Variants in GPC5 observed in about 807,000 individuals in gnomAD.
GPC5 encodes glypican 5, also known as glypican-5.
GPC5 carries 47 observed loss-of-function variants against 53.9 expected under a neutral mutation model. That is an observed-to-expected ratio of 0.87 (90% CI 0.69 to 1.11). GPC5 has a LOEUF of 1.11. Among genes scored for constraint, GPC5 ranks in the 50% most tolerant of loss-of-function variants. The probability of loss-of-function intolerance (pLI) is 0.00; values close to 1 mark genes in which losing one functional copy is unlikely to be tolerated. For missense variants in GPC5, 748 were observed against 713.1 expected (o/e 1.05, Z -0.56); for synonymous variants, 286 against 263.3 (o/e 1.09, Z -0.84).
intron 2 of GPC5, among the ~76,000 whole-genome samples, chr13:91,480,728 C>T (rs1170818670): frequency 3.3e-5 from 5 of 152,118 alleles, no homozygotes; most frequent in African/African-American, 1.2e-4. Context: ...GATGGTTATA[C>T]CTATGGAGCG....
chr13:92,452,614 C>T (rs1232693001), intron 7 of GPC5, among the ~76,000 whole-genome samples: 1 of 152,116 alleles, frequency 6.6e-6, no homozygotes, highest in Admixed American at 6.5e-5. Flanking sequence ...GTCGCCCAAG[C>T]TGTAGTGCAG....
intron 4 of GPC5, among the ~76,000 whole-genome samples, chr13:91,733,158 A>T (rs553299031): frequency 7.6e-4 from 115 of 152,084 alleles, no homozygotes; most frequent in Admixed American, 2.9e-3. Flanking sequence ...TTTGTTTTTG[A>T]GACAGTCTCA....
chr13:92,430,597 G>T (rs551839203), intron 7 of GPC5, among the ~76,000 whole-genome samples: 4 of 152,280 alleles, frequency 2.6e-5, no homozygotes, highest in Admixed American at 2.6e-4. Context: ...AGACTGTCCA[G>T]ATGATTCATG....
intron 7 of GPC5, among the ~76,000 whole-genome samples, chr13:92,227,635 A>C (rs1018419384): frequency 7.2e-5 from 11 of 152,172 alleles, no homozygotes; most frequent in African/African-American, 2.4e-4. Context: ...AGTAGAAGAA[A>C]ATGCCAAAGC....
At chr13:91,712,928 C>T (rs771830170) in intron 3 of GPC5, among the ~76,000 whole-genome samples, 10 of 152,064 alleles carry the variant, frequency 6.6e-5, no homozygotes, top group South Asian at 2.1e-4. Context: ...CGGTGGCTCA[C>T]GCCTGTAATC....
intron 7 of GPC5, among the ~76,000 whole-genome samples, chr13:92,858,862 T>C (rs1443087488): frequency 6.6e-6 from 1 of 152,166 alleles, no homozygotes; most frequent in Non-Finnish European, 1.5e-5. Flanking sequence ...TTAGAAATAC[T>C]CTTTCTTGAA....
At chr13:92,631,078 A>G (rs1282758303) in intron 7 of GPC5, among the ~76,000 whole-genome samples, 1 of 152,144 alleles carries the variant, frequency 6.6e-6, no homozygotes, top group Non-Finnish European at 1.5e-5. Flanking sequence ...AATATATCAT[A>G]TACTATCTGT....
chr13:92,651,947 G>A (rs1209836443), intron 7 of GPC5, among the ~76,000 whole-genome samples: 2 of 148,978 alleles, frequency 1.3e-5, no homozygotes, highest in Non-Finnish European at 1.5e-5. Flanking sequence ...GATACATTAT[G>A]TAAAAAAAAG....
intron 7 of GPC5, among the ~76,000 whole-genome samples, chr13:92,214,010 C>T (rs9805190): frequency 0.037 from 5,663 of 152,160 alleles, 342 homozygotes; most frequent in African/African-American, 0.13. Flanking sequence ...CTCTTCTTTT[C>T]AAGAGCCTAG....
intron 5 of GPC5, among the ~76,000 whole-genome samples, chr13:91,789,915 G>A (rs1374406553): frequency 2.6e-5 from 4 of 152,108 alleles, no homozygotes; most frequent in African/African-American, 7.2e-5. Context: ...GGAGCTAGGC[G>A]CTTTCACAAA....
At chr13:92,153,048 C>G (rs1475860082) in intron 7 of GPC5, among the ~76,000 whole-genome samples, 3 of 152,192 alleles carry the variant, frequency 2.0e-5, no homozygotes, top group Admixed American at 6.5e-5. Flanking sequence ...TACAGTCTCT[C>G]TTGTCTTGTT....
intron 7 of GPC5, among the ~76,000 whole-genome samples, chr13:92,302,885 T>C (rs1474857309): frequency 1.3e-5 from 2 of 152,220 alleles, no homozygotes; most frequent in Non-Finnish European, 2.9e-5. Flanking sequence ...TTTATTCTTA[T>C]GGGAGGATCA....
chr13:92,359,759 A>G (rs2139279593), intron 7 of GPC5, among the ~76,000 whole-genome samples: 1 of 151,660 alleles, frequency 6.6e-6, no homozygotes, highest in Non-Finnish European at 1.5e-5. Flanking sequence ...TTAAACAATC[A>G]GATATTGTGA....
rs552013633 is a variant in GPC5, at chr13:91,413,002, C to T, written c.163+13793C>T. Among the ~76,000 whole-genome samples, 4 of 152,264 alleles carry T rather than the reference C, an allele frequency of 2.6e-5. No homozygotes were observed. The South Asian group carries it at 8.3e-4, about 32-fold the overall frequency. On this transcript the variant is annotated intron_variant, in intron 1 of 7. Transcript: ENST00000377067. ...GCTGTATAAATAACCAAAGTAGAGG[C>T]CTAGCTTGGTGGCTCACGCCTGTAA...
chr13:92,309,790 A>G (rs935199220), intron 7 of GPC5, among the ~76,000 whole-genome samples: 7 of 152,126 alleles, frequency 4.6e-5, no homozygotes, highest in Non-Finnish European at 8.8e-5. Flanking sequence ...TTGCAAGTGC[A>G]CAATAGAATA....
chr13:92,453,858 T>C (rs1299024965), intron 7 of GPC5, among the ~76,000 whole-genome samples: 1 of 152,190 alleles, frequency 6.6e-6, no homozygotes, highest in African/African-American at 2.4e-5. Context: ...AAATTACCTT[T>C]TCCTTGTTCC....
chr13:92,313,691 C>T lies in GPC5; in HGVS notation c.1561+168702C>T, dbSNP rs558375274. Among the ~76,000 whole-genome samples, 11 of 152,276 alleles carry T rather than the reference C, an allele frequency of 7.2e-5. No individual in the cohort carries two copies. In the South Asian group the frequency reaches 2.1e-3, roughly 29 times the overall value. Reference sequence around the variant, plus strand: ...GTTGGATGAGCCTCCCAACCAAAATCCCTCGTCTGTTCTCATCAACACAAG... The same window carrying T: ...GTTGGATGAGCCTCCCAACCAAAATTCCTCGTCTGTTCTCATCAACACAAG... On this transcript the variant is annotated intron_variant, in intron 7 of 7. Transcript: ENST00000377067.
chr13:92,245,104 G>T (rs1411752), intron 7 of GPC5, among the ~76,000 whole-genome samples: 85,254 of 151,164 alleles, frequency 0.56, 24,283 homozygotes, highest in South Asian at 0.65. Flanking sequence ...CTCCCAGGCT[G>T]CTGGGACACT....
At chr13:92,114,592 A>C (rs2041585379) in intron 6 of GPC5, among the ~76,000 whole-genome samples, 1 of 152,172 alleles carries the variant, frequency 6.6e-6, no homozygotes, top group South Asian at 2.1e-4. Context: ...CATTGTGATA[A>C]ATGAGAGAGA....
Sources: allele counts gnomAD v4.1 joint callset (sites outside exome capture counted in the v4.1 genomes callset), GRCh38; gene constraint gnomAD v4.1.1; transcripts MANE v1.5; gene names NCBI Gene and HGNC (gene_info 2026-07-23, HGNC 2026-07-21).